PBRM1: variants seen among roughly 807,000 people sequenced by gnomAD.
The protein encoded by PBRM1 is polybromo 1.
Under a neutral mutation model 194.5 loss-of-function variants are expected in PBRM1, and 27 were observed. The observed-to-expected ratio is 0.14, with a 90% confidence interval of 0.10 to 0.19. The LOEUF (loss-of-function observed/expected upper bound fraction) is 0.19. Ranked by LOEUF, PBRM1 falls within the 10% of genes least tolerant of loss-of-function variation. The pLI is 1.00. For synonymous variants in PBRM1, 655 were observed against 693.2 expected (o/e 0.94, Z 0.87); for missense variants, 1,466 against 2,077.2 (o/e 0.71, Z 5.72).
intron 4 of PBRM1, among the ~76,000 whole-genome samples, chr3:52,660,070 C>CA (rs1209592020): frequency 6.6e-6 from 1 of 152,092 alleles, no homozygotes; most frequent in African/African-American, 2.4e-5. Flanking sequence ...CAGCCTGGGC[C>CA]AAAGAGCAAG....
chr3:52,547,990 A>AC, exon 30 of PBRM1: 1 of 1,259,398 alleles, frequency 7.9e-7, no homozygotes, highest in Non-Finnish European at 1.1e-6. Flanking sequence ...CCTTCCCCCC[A>AC]CCCCCAGTAA....
chr3:52,593,107 A>G (rs2093252594), intron 17 of PBRM1, among the ~76,000 whole-genome samples: 1 of 151,994 alleles, frequency 6.6e-6, no homozygotes, highest in Non-Finnish European at 1.5e-5. Flanking sequence ...CAACTCCTAG[A>G]TTTGTTAATC....
At chr3:52,617,162 C>A in intron 14 of PBRM1, 100 bp downstream of exon 16, 1 of 872,662 alleles carries the variant, frequency 1.1e-6, no homozygotes, top group South Asian at 2.0e-5. Flanking sequence ...AAAGAATAAT[C>A]TAAGTTAAGC....
intron 20 of PBRM1, among the ~76,000 whole-genome samples, chr3:52,584,726 G>A (rs1320671147): frequency 1.3e-5 from 2 of 151,960 alleles, no homozygotes; most frequent in South Asian, 4.1e-4. Context: ...AAAGTTCTAG[G>A]ATTACAGGTA....
chr3:52,685,825 G>A (rs1252097542), exon 1 of PBRM1: 2 of 448,952 alleles, frequency 4.5e-6, no homozygotes, highest in Non-Finnish European at 7.9e-6. Flanking sequence ...CACGGCTGCT[G>A]CTATTGCTCC....
chr3:52,638,881 G>A (rs1212540034), intron 10 of PBRM1, among the ~76,000 whole-genome samples: 1 of 151,090 alleles, frequency 6.6e-6, no homozygotes, highest in African/African-American at 2.4e-5. Flanking sequence ...TTACAGGTGT[G>A]AGCCAGCCTT....
At chr3:52,684,058 C>CTT (rs948947803), upstream of PBRM1, among the ~76,000 whole-genome samples, 2 of 148,432 alleles carry the variant, frequency 1.3e-5, no homozygotes, top group Admixed American at 1.4e-4. Context: ...ATCCCAGCTA[C>CTT]TTGGGATGCT....
chr3:52,682,683 A>G (rs1424826177), upstream of PBRM1, among the ~76,000 whole-genome samples: 1 of 152,210 alleles, frequency 6.6e-6, no homozygotes, highest in African/African-American at 2.4e-5. Context: ...CTAAGACCAG[A>G]ATAGGAGTCC....
At chr3:52,645,894 C>G (rs1003349291) in intron 7 of PBRM1, among the ~76,000 whole-genome samples, 1 of 152,138 alleles carries the variant, frequency 6.6e-6, no homozygotes, top group African/African-American at 2.4e-5. Context: ...CAGAACCATA[C>G]GAAAGCAAAA....
chr3:52,600,137 T>C (rs1021770516), intron 17 of PBRM1, among the ~76,000 whole-genome samples: 5 of 152,224 alleles, frequency 3.3e-5, no homozygotes, highest in Non-Finnish European at 5.9e-5. Context: ...ATCCTTTCTA[T>C]GTGTTGGGAA....
intron 22 of PBRM1, among the ~76,000 whole-genome samples, chr3:52,569,762 GA>G (rs1360110247): frequency 1.3e-5 from 2 of 152,118 alleles, no homozygotes; most frequent in Non-Finnish European, 2.9e-5. Flanking sequence ...TATTAGTACT[GA>G]ATCTTTTAAG....
intron 11 of PBRM1, 124 bp downstream of exon 12, chr3:52,634,478 G>C: frequency 3.9e-6 from 2 of 512,584 alleles, no homozygotes; most frequent in Non-Finnish European, 6.9e-6. Context: ...GTTAAAATTT[G>C]AGGTTAAAAA....
chr3:52,596,024 T>C (rs1030905347), intron 17 of PBRM1, among the ~76,000 whole-genome samples: 1 of 152,190 alleles, frequency 6.6e-6, no homozygotes, highest in African/African-American at 2.4e-5. Flanking sequence ...GCCAGCACCA[T>C]GCTGTTTCAG....
chr3:52,658,848 T>C (rs2096660697), intron 4 of PBRM1, among the ~76,000 whole-genome samples: 1 of 152,234 alleles, frequency 6.6e-6, no homozygotes, highest in Admixed American at 6.5e-5. Context: ...TCCCTTGTAC[T>C]AGGTCCTTCT....
At chr3:52,666,085 AAAG>A (rs1294467292) in intron 3 of PBRM1, among the ~76,000 whole-genome samples, 1 of 152,202 alleles carries the variant, frequency 6.6e-6, no homozygotes, top group Non-Finnish European at 1.5e-5. Context: ...AATGAAATCA[AAAG>A]AAGGCATAGA....
chr3:52,628,981 C>T, exon 12 of PBRM1: 5 of 1,609,386 alleles, frequency 3.1e-6, no homozygotes, highest in Non-Finnish European at 4.3e-6. Context: ...ACATTAAATT[C>T]AGATCACACT....
At chr3:52,676,342 G>C (rs2097104739) in intron 2 of PBRM1, among the ~76,000 whole-genome samples, 1 of 152,146 alleles carries the variant, frequency 6.6e-6, no homozygotes, top group Non-Finnish European at 1.5e-5. Flanking sequence ...GAGGGACCCA[G>C]AGGGAGGTAA....
intron 17 of PBRM1, among the ~76,000 whole-genome samples, chr3:52,601,787 G>A (rs762956493): frequency 5.3e-5 from 8 of 152,164 alleles, no homozygotes; most frequent in Non-Finnish European, 1.0e-4. Context: ...GAGCAGGTGG[G>A]TGGGTTCCCG....
intron 15 of PBRM1, among the ~76,000 whole-genome samples, chr3:52,613,386 G>A (rs1310829725): frequency 6.6e-6 from 1 of 151,134 alleles, no homozygotes; most frequent in Non-Finnish European, 1.5e-5. Context: ...CCATGCTGGA[G>A]TGCAGTGGGC....
Sources: allele counts gnomAD v4.1 joint callset (sites outside exome capture counted in the v4.1 genomes callset), GRCh38; gene constraint gnomAD v4.1.1; transcripts MANE v1.5; gene names NCBI Gene and HGNC (gene_info 2026-07-23, HGNC 2026-07-21).